The following MYH11 variants were observed in gnomAD, a reference collection of about 807,000 sequenced individuals.
MYH11 encodes myosin-11.
MYH11 carries 80 observed loss-of-function variants against 246.6 expected under a neutral mutation model. The observed-to-expected ratio is 0.32, with a 90% CI of 0.27 to 0.39. The LOEUF is 0.39. MYH11 is among the 10% of genes least tolerant of loss of function. MYH11 has a pLI of 1.00. For synonymous variants in MYH11, 1,071 were observed against 1,015.5 expected, an observed-to-expected ratio of 1.05 and a Z score of -1.04; for missense variants, 2,158 against 2,546.8, an observed-to-expected ratio of 0.85 and a Z score of 3.29.
intron 15 of MYH11, 67 bp downstream of exon 15, chr16:15,753,327 C>A: frequency 7.1e-7 from 1 of 1,411,888 alleles, no homozygotes; most frequent in Non-Finnish European, 1.0e-6. Flanking sequence ...GTGTGAGAGT[C>A]GGGGGACTTG....
chr16:15,793,615 CTTTTTTT>C (rs572455483), intron 4 of MYH11, among the ~76,000 whole-genome samples: 6 of 93,786 alleles, frequency 6.4e-5, no homozygotes, highest in East Asian at 2.6e-4. Flanking sequence ...CTTTTCTTTT[CTTTTTTT>C]TTTTTTTTTT....
chr16:15,838,364 C>T, intron 1 of MYH11, 95 bp from the exon 2 acceptor site: 1 of 938,774 alleles, frequency 1.1e-6, no homozygotes, highest in Non-Finnish European at 1.7e-6. Flanking sequence ...ACTCGGTCTG[C>T]AGAGACATCC....
At chr16:15,842,562 A>G (rs1172569040) in intron 1 of MYH11, among the ~76,000 whole-genome samples, 1 of 151,760 alleles carries the variant, frequency 6.6e-6, no homozygotes, top group Non-Finnish European at 1.5e-5. Context: ...CCGGAGTTCA[A>G]GACCAGCTGG....
rs1020832296 is a variant in MYH11, at chr16:15,771,793, T to C, written c.890-81A>G. 3.2e-6 allele frequency: 5 copies of C among 1,551,940 alleles called. No homozygotes were observed. In the African/African-American group the frequency reaches 6.8e-5, roughly 21 times the overall value. ...TGAGACCGAGATCTGGTCAAGGGTC[T>C]GGGCCATCATAATTCCTTTCCCTTT... is the stretch of plus-strand genomic sequence containing the variant. On this transcript the variant is annotated intron_variant, in intron 8 of 40. Transcript: ENST00000300036.
Position 15,784,724 on chromosome 16 carries a change from G to C in MYH11, c.633+1906C>G. The C allele has an allele frequency of 1.2e-6, 2 of 1,613,862 alleles. No homozygotes were observed. The highest frequency in any genetic ancestry group is 2.7e-5 in the African/African-American group (2 of 75,018). On this transcript the variant is annotated intron_variant, in intron 5 of 40. Coordinates refer to ENST00000300036, the MANE Select transcript of MYH11 (RefSeq NM_002474.3). ...TAGGCAAAAGATGGGCCTTGCTGTGGTTGAACAACACAGTATAAAACAAAT... is the reference window on the plus strand; with the variant it reads ...TAGGCAAAAGATGGGCCTTGCTGTGCTTGAACAACACAGTATAAAACAAAT...
rs193089651 is a variant in MYH11 at position 15,730,466 on chromosome 16, C to T, written c.3651+2098G>A. Among the ~76,000 whole-genome samples, 689 of 152,000 alleles carry T rather than the reference C, an allele frequency of 4.5e-3. 4 individuals are homozygous for T. Among genetic ancestry groups the T allele is most frequent in the African/African-American group, 0.016 (650 of 41,462 alleles). On this transcript the variant is annotated intron_variant, in intron 27 of 40. Coordinates refer to ENST00000300036, the MANE Select transcript of MYH11 (RefSeq NM_002474.3). ...CTGAGGCAGGAGAATCATTTGAACC[C>T]AGGAGGTGGAGGTTGCAGTGAGCCA...
rs536188260 is a variant in MYH11 at position 15,800,641 on chromosome 16, ATGGG to A, written c.503-1958_503-1955del. ...GATGGATGGATGGATGGATGGATGGATGGGAATATGAATGGGAGGATGGATGGGA... is the reference window on the plus strand; with the variant it reads ...GATGGATGGATGGATGGATGGATGGAAATATGAATGGGAGGATGGATGGGA... On this transcript the variant is annotated intron_variant, in intron 3 of 40. Transcript: ENST00000300036. 4.4e-4 allele frequency among the ~76,000 whole-genome samples: 65 copies of A among 146,308 alleles called. 1 individual carries two copies. In the South Asian group the frequency reaches 0.012, roughly 26 times the overall value.
chr16:15,724,831 C>A (rs375924781), intron 29 of MYH11, 32 bp from the exon 30 acceptor site: 25 of 1,613,710 alleles, frequency 1.5e-5, no homozygotes, highest in Non-Finnish European at 1.9e-5. Context: ...GTCCCAGGGA[C>A]CTGCCCCGAG....
chr16:15,856,428 T>G (rs2044473396), intron 1 of MYH11, among the ~76,000 whole-genome samples: 1 of 151,966 alleles, frequency 6.6e-6, no homozygotes, highest in African/African-American at 2.4e-5. Context: ...TGCAATACGG[T>G]CAAATCCACA....
intron 4 of MYH11, among the ~76,000 whole-genome samples, chr16:15,795,029 C>T (rs773507732): frequency 1.3e-5 from 2 of 152,146 alleles, no homozygotes; most frequent in African/African-American, 2.4e-5. Context: ...ATGGGCTGGG[C>T]GAAGTGGCTC....
intron 1 of MYH11, among the ~76,000 whole-genome samples, chr16:15,842,464 A>T (rs1356994442): frequency 2.0e-5 from 3 of 151,920 alleles, no homozygotes; most frequent in Non-Finnish European, 4.4e-5. Flanking sequence ...ATCGTAGCTG[A>T]TGAAAAAAAA....
intron 1 of MYH11, among the ~76,000 whole-genome samples, chr16:15,853,021 T>G (rs1370054424): frequency 6.6e-6 from 1 of 152,228 alleles, no homozygotes; most frequent in Non-Finnish European, 1.5e-5. Context: ...CATTAGCCTG[T>G]GGAAGATCCT....
chr16:15,757,965 G>C lies in MYH11; in HGVS notation c.1437C>G (p.Thr479=), dbSNP rs2041773899. 1 of 1,614,180 alleles carries C rather than the reference G, an allele frequency of 6.2e-7. No homozygotes were observed. The highest frequency in any genetic ancestry group is 8.5e-7 in the Non-Finnish European group (1 of 1,180,038). ...NSFEQLCINY[T]NEKLQQLFNH... ...TGAAGAGCTGCTGCAGCTTCTCGTT[G>C]GTGTAGTTGATGCACAGCTGCTCGA... is the stretch of plus-strand genomic sequence containing the variant. The change falls in exon 13 of 41, where the codon ACC becomes ACG. Residue 479 remains threonine, a synonymous_variant. Transcript: ENST00000300036.
At chr16:15,852,296 T>C (rs1004138753) in intron 1 of MYH11, among the ~76,000 whole-genome samples, 6 of 151,578 alleles carry the variant, frequency 4.0e-5, no homozygotes, top group African/African-American at 1.5e-4. Flanking sequence ...TGGGGACTGC[T>C]GTCATATGTG....
chr16:15,721,128 A>G, intron 32 of MYH11, 77 bp from the exon 33 acceptor site: 1 of 1,502,982 alleles, frequency 6.7e-7, no homozygotes, highest in Admixed American at 1.7e-5. Context: ...CGTGAGCGGC[A>G]CCTCAGGAGA....
chr16:15,762,731 A>G (rs1596797925), intron 10 of MYH11, among the ~76,000 whole-genome samples: 1 of 152,300 alleles, frequency 6.6e-6, no homozygotes, highest in Non-Finnish European at 1.5e-5. Context: ...TTTGAGTAAT[A>G]ATAAAACTCT....
At position 15,838,241 on chromosome 16, in the gene MYH11, C is replaced by G; in HGVS notation, c.12G>C (p.Lys4Asn). 1 of 1,614,132 alleles carries G rather than the reference C, an allele frequency of 6.2e-7. No homozygotes were observed. Among genetic ancestry groups the G allele is most frequent in the Non-Finnish European group, 8.5e-7 (1 of 1,180,032 alleles). The part of the protein sequence containing the change: MAQ[K>N]GQLSDDEKFL... ...ACTTCTCATCGTCACTGAGTTGGCCCTTCTGCGCCATGGTGCCTTGTTGGT... is the reference window on the plus strand; with the variant it reads ...ACTTCTCATCGTCACTGAGTTGGCCGTTCTGCGCCATGGTGCCTTGTTGGT... Residue 4 changes from lysine (K) to asparagine (N), a missense_variant, in exon 2 of 41, where the codon AAG becomes AAC. Around this residue, in one of 11 missense-constraint regions of MYH11, gnomAD observed 96 missense variants for 91.9 expected, o/e 1.04. Transcript: ENST00000300036.
chr16:15,839,414 C>T (rs899864281), intron 1 of MYH11, among the ~76,000 whole-genome samples: 1 of 152,024 alleles, frequency 6.6e-6, no homozygotes, highest in South Asian at 2.1e-4. Flanking sequence ...TAATGGCGGC[C>T]GGGCGCGGTG....
chr16:15,715,021 C>A lies in MYH11; in HGVS notation c.5674G>T (p.Glu1892Ter), dbSNP rs753304573. The change falls in exon 40 of 41, where the codon GAG (glutamate) becomes TAG (stop). Residue 1892 changes from glutamate to a stop codon, truncating the protein, a stop_gained. Coordinates refer to ENST00000300036, the MANE Select transcript of MYH11 (RefSeq NM_002474.3). LOFTEE classifies it high-confidence loss of function. ...LKRQLEEAEE[E>*]SQRINANRRK... ...CGGTTGGCGTTGATGCGCTGGGACT[C>A]CTCCTCTGCCTCCTCCAGCTGCCTC... The A allele has an allele frequency of 6.2e-6, 10 of 1,613,916 alleles. No individual in the cohort carries two copies. Among genetic ancestry groups the A allele is most frequent in the Admixed American group, 1.7e-5 (1 of 60,020 alleles).
Sources: gnomAD v4.1 joint callset for allele counts (sites outside exome capture counted in the v4.1 genomes callset) on GRCh38, gnomAD v4.1.1 for gene constraint, gnomAD v4.1.1 regional missense constraint, MANE v1.5 for transcripts, NCBI Gene and HGNC (gene_info 2026-07-23, HGNC 2026-07-21) for gene names.